PRORP: variants seen among roughly 807,000 people sequenced by gnomAD.
PRORP encodes the protein mitochondrial ribonuclease P catalytic subunit.
PRORP carries 51 observed loss-of-function variants against 59.4 expected under a neutral mutation model. That is an observed-to-expected ratio of 0.86 (90% CI 0.69 to 1.08). The LOEUF (loss-of-function observed/expected upper bound fraction) is 1.08, where lower values mean the gene tolerates loss of function less well. Among genes scored for constraint, PRORP ranks in the 50% least tolerant of loss-of-function variants. PRORP has a pLI of 0.00. For synonymous variants in PRORP, 231 were observed against 245.6 expected (o/e 0.94, Z 0.55); for missense variants, 646 against 690.3 (o/e 0.94, Z 0.72).
chr14:35,156,161 G>C (rs569863273), intron 4 of PRORP, among the ~76,000 whole-genome samples: 2 of 152,302 alleles, frequency 1.3e-5, no homozygotes, highest in South Asian at 2.1e-4. Context: ...GTGTGGTTAG[G>C]CATTTCACAA....
At position 35,126,709 on chromosome 14, in the gene PRORP, G is replaced by T. The variant is rs370907143; in HGVS notation, c.987-26G>T. 4.4e-6 allele frequency: 7 copies of T among 1,577,892 alleles called. No individual in the cohort carries two copies. In the African/African-American group the frequency reaches 9.5e-5, roughly 21 times the overall value. On this transcript the variant is annotated intron_variant, in intron 2 of 7. Transcript: ENST00000534898. ...TTCAGTAGGAATCTAACCTTCTCAT[G>T]ATTTGGTTTTGCAATCTTTTCATAG...
chr14:35,260,007 T>TG (rs1052448436), intron 5 of PRORP, among the ~76,000 whole-genome samples: 4 of 146,376 alleles, frequency 2.7e-5, no homozygotes, highest in African/African-American at 1.0e-4. Flanking sequence ...TTTTTTTTTT[T>TG]TTTTTTTTGG....
intron 5 of PRORP, among the ~76,000 whole-genome samples, chr14:35,218,213 A>G (rs1486856931): frequency 6.6e-6 from 1 of 152,056 alleles, no homozygotes; most frequent in Non-Finnish European, 1.5e-5. Context: ...TAATCTCAGT[A>G]CTTTGGGAAG....
intron 5 of PRORP, among the ~76,000 whole-genome samples, chr14:35,215,871 A>T (rs961671073): frequency 2.0e-5 from 3 of 151,580 alleles, no homozygotes; most frequent in Non-Finnish European, 4.4e-5. Context: ...GGTTCAAGCA[A>T]TTCTCCTGCC....
intron 5 of PRORP, among the ~76,000 whole-genome samples, chr14:35,210,919 A>G (rs745369994): frequency 2.6e-5 from 4 of 151,504 alleles, no homozygotes; most frequent in Non-Finnish European, 5.9e-5. Context: ...GCATGCTACC[A>G]CACCTGGCTA....
intron 5 of PRORP, among the ~76,000 whole-genome samples, chr14:35,185,520 G>A (rs908593565): frequency 1.2e-4 from 18 of 152,188 alleles, no homozygotes; most frequent in African/African-American, 3.1e-4. Context: ...TGTTATGACT[G>A]ATTTTTGCAT....
chr14:35,133,478 G>A (rs1439829465), intron 4 of PRORP, among the ~76,000 whole-genome samples: 2 of 152,060 alleles, frequency 1.3e-5, no homozygotes, highest in Non-Finnish European at 2.9e-5. Flanking sequence ...TGTCTGAAAG[G>A]TCACACATCT....
At chr14:35,259,002 T>G (rs2138625232) in intron 5 of PRORP, among the ~76,000 whole-genome samples, 1 of 152,372 alleles carries the variant, frequency 6.6e-6, no homozygotes, top group East Asian at 1.9e-4. Context: ...TTCTTCTATA[T>G]GCTTGCTGAT....
Position 35,123,317 on chromosome 14 carries a change from A to G in PRORP, c.72A>G (p.Pro24=). The change falls in exon 2 of 8, where the codon CCA becomes CCG. Residue 24 remains proline (P), a synonymous_variant. Coordinates refer to ENST00000534898, the MANE Select transcript of PRORP (RefSeq NM_014672.4). Reference sequence around the variant, plus strand: ...AGAGCCCATACCTTGGGCTAGGCCCAGGGCACTCTTATGTCTCGCTGTTTC... The same window carrying G: ...AGAGCCCATACCTTGGGCTAGGCCCGGGGCACTCTTATGTCTCGCTGTTTC... ...LWKSPYLGLG[P]GHSYVSLFLA... 1 of 1,613,998 alleles carries G rather than the reference A, an allele frequency of 6.2e-7. No individual in the cohort carries two copies. Among genetic ancestry groups the G allele is most frequent in the Non-Finnish European group, 8.5e-7 (1 of 1,180,032 alleles).
chr14:35,168,600 T>TA (rs887483278), intron 4 of PRORP, among the ~76,000 whole-genome samples: 4 of 151,128 alleles, frequency 2.6e-5, no homozygotes, highest in African/African-American at 7.3e-5. Context: ...GACCTCAACT[T>TA]AAAAAAAAAT....
At chr14:35,211,220 G>C (rs1032944338) in intron 5 of PRORP, among the ~76,000 whole-genome samples, 3 of 151,366 alleles carry the variant, frequency 2.0e-5, no homozygotes. Flanking sequence ...ACACTATAGA[G>C]ATACTTTTAA....
chr14:35,268,048 G>A (rs1029060514), intron 6 of PRORP, among the ~76,000 whole-genome samples: 1 of 152,058 alleles, frequency 6.6e-6, no homozygotes, highest in East Asian at 1.9e-4. Context: ...AACATGGTCA[G>A]TAACAAAACC....
At chr14:35,167,846 A>C (rs951887404) in intron 4 of PRORP, among the ~76,000 whole-genome samples, 1 of 152,238 alleles carries the variant, frequency 6.6e-6, no homozygotes, top group African/African-American at 2.4e-5. Context: ...AAGAAGAAAT[A>C]AGTGGAAAAC....
At chr14:35,201,028 T>C (rs942735645) in intron 5 of PRORP, among the ~76,000 whole-genome samples, 1 of 152,240 alleles carries the variant, frequency 6.6e-6, no homozygotes, top group African/African-American at 2.4e-5. Context: ...ATTTTGAGAA[T>C]AATGGTCAAA....
At chr14:35,216,258 T>A (rs151243933) in intron 5 of PRORP, among the ~76,000 whole-genome samples, 1,944 of 148,746 alleles carry the variant, frequency 0.013, 31 homozygotes, top group Middle Eastern at 0.048. Context: ...ATAAATTATG[T>A]GTGCGTGTGT....
chr14:35,234,676 C>CTTTT (rs398056986), intron 5 of PRORP, among the ~76,000 whole-genome samples: 19 of 130,126 alleles, frequency 1.5e-4, no homozygotes, highest in Non-Finnish European at 2.6e-4. Context: ...ACTGTTGTTC[C>CTTTT]TTTTTTTTTT....
intron 4 of PRORP, among the ~76,000 whole-genome samples, chr14:35,166,211 A>G (rs1341139309): frequency 2.0e-5 from 3 of 152,074 alleles, no homozygotes; most frequent in African/African-American, 7.2e-5. Context: ...CATGAAATAC[A>G]TGTTCTAGTA....
chr14:35,169,189 T>C (rs2138984742), intron 4 of PRORP, among the ~76,000 whole-genome samples: 1 of 152,238 alleles, frequency 6.6e-6, no homozygotes, highest in Non-Finnish European at 1.5e-5. Context: ...TATCACTTAG[T>C]TCAAAATATT....
chr14:35,201,680 T>C (rs1595295865), intron 5 of PRORP, among the ~76,000 whole-genome samples: 1 of 151,928 alleles, frequency 6.6e-6, no homozygotes, highest in Non-Finnish European at 1.5e-5. Flanking sequence ...CTCACTCTTA[T>C]CACCCAGGCT....
Sources: allele counts gnomAD v4.1 joint callset (sites outside exome capture counted in the v4.1 genomes callset), GRCh38; gene constraint gnomAD v4.1.1; transcripts MANE v1.5; gene names NCBI Gene and HGNC (gene_info 2026-07-23, HGNC 2026-07-21).